CSDE1: variants seen among roughly 807,000 people sequenced by gnomAD.
The protein encoded by CSDE1 is cold shock domain containing E1, also known as cold shock domain-containing protein E1.
Under a neutral mutation model 89.3 loss-of-function variants are expected in CSDE1, and 17 were observed. That is an observed-to-expected ratio of 0.19 (90% CI 0.13 to 0.29). CSDE1 has a LOEUF of 0.29. CSDE1 is among the 10% of genes least tolerant of loss of function. The pLI, the probability that CSDE1 is intolerant of heterozygous loss-of-function variation, is 1.00. For synonymous variants in CSDE1, 322 were observed against 332.8 expected, an observed-to-expected ratio of 0.97 and a Z score of 0.35; for missense variants, 672 against 984.2, an observed-to-expected ratio of 0.68 and a Z score of 4.24.
intron 2 of CSDE1, among the ~76,000 whole-genome samples, chr1:114,748,689 T>C (rs905010649): frequency 2.0e-5 from 3 of 152,312 alleles, no homozygotes; most frequent in South Asian, 4.1e-4. Context: ...AGTCCTCACT[T>C]CTAAATCATC....
rs570160618 is a variant in CSDE1, at chr1:114,753,860, G to C, written c.-387-3653C>G. On this transcript the variant is annotated intron_variant, in intron 1 of 19. Transcript: ENST00000358528. ...GAATCCAGGAGTTTGAGGCTGCAGT[G>C]AGCTATGACTGTGCCACTGCACTCT... Among the ~76,000 whole-genome samples the C allele has an allele frequency of 9.4e-4, 143 of 152,278 alleles. 1 individual carries two copies. The highest frequency in any genetic ancestry group is 3.2e-3 in the African/African-American group (135 of 41,550).
chr1:114,727,152 A>T, intron 12 of CSDE1, 62 bp from the exon 13 acceptor site: 1 of 1,150,312 alleles, frequency 8.7e-7, no homozygotes, highest in South Asian at 1.3e-5. Flanking sequence ...CAATAAAAAC[A>T]ACTATAGTTC....
intron 6 of CSDE1, among the ~76,000 whole-genome samples, chr1:114,736,254 A>G (rs1281559139): frequency 6.6e-6 from 1 of 152,158 alleles, no homozygotes; most frequent in East Asian, 1.9e-4. Context: ...TCTGGTCAAC[A>G]GCATCCCCAC....
intron 10 of CSDE1, among the ~76,000 whole-genome samples, chr1:114,732,176 T>C (rs1236296486): frequency 6.6e-6 from 1 of 152,098 alleles, no homozygotes; most frequent in African/African-American, 2.4e-5. Context: ...TGTGATCTAG[T>C]GTCTAGATCA....
chr1:114,756,272 C>G (rs187605024), intron 1 of CSDE1, among the ~76,000 whole-genome samples: 1 of 152,186 alleles, frequency 6.6e-6, no homozygotes, highest in African/African-American at 2.4e-5. Flanking sequence ...ACATCCAGAA[C>G]AGCTGCAAAA....
rs769874747 is a variant in CSDE1, at chr1:114,718,180, C to T, written c.2386G>A (p.Val796Ile). Reference sequence around the variant, plus strand: ...CTTTGTGGATGTGGTTAGTCAATGACACCAGCTTGACGGATCTTTCTTTCT... The same window carrying T: ...CTTTGTGGATGTGGTTAGTCAATGATACCAGCTTGACGGATCTTTCTTTCT... Reference protein sequence around the residue: ...GAERKIRQAGVID With the variant: ...GAERKIRQAGIID Residue 796 changes from valine (V) to isoleucine (I), a missense_variant, in exon 20 of 20, where the codon GTC becomes ATC. Around this residue, in one of 8 missense-constraint regions of CSDE1, gnomAD observed 206 missense variants for 332.4 expected, o/e 0.62. Transcript: ENST00000358528. The T allele has an allele frequency of 1.2e-6, 2 of 1,613,826 alleles. No individual in the cohort carries two copies. The highest frequency in any genetic ancestry group is 1.7e-6 in the Non-Finnish European group (2 of 1,179,996).
intron 2 of CSDE1, among the ~76,000 whole-genome samples, chr1:114,741,305 A>T (rs1660713587): frequency 6.6e-6 from 1 of 152,224 alleles, no homozygotes; most frequent in South Asian, 2.1e-4. Context: ...TTCCATCTTT[A>T]TTAAGATCCA....
intron 10 of CSDE1, among the ~76,000 whole-genome samples, chr1:114,731,666 A>T (rs932176614): frequency 3.3e-5 from 5 of 152,168 alleles, no homozygotes; most frequent in African/African-American, 9.7e-5. Context: ...CCAGACACAA[A>T]CTCTTAAAAA....
chr1:114,728,040 CCAAT>C (rs1204649289), intron 12 of CSDE1, among the ~76,000 whole-genome samples: 3 of 152,192 alleles, frequency 2.0e-5, no homozygotes, highest in East Asian at 1.9e-4. Flanking sequence ...TCCTCTTCTA[CCAAT>C]CACATTCCTT....
At chr1:114,743,270 C>T (rs912720970) in intron 2 of CSDE1, among the ~76,000 whole-genome samples, 4 of 152,128 alleles carry the variant, frequency 2.6e-5, no homozygotes, top group African/African-American at 9.7e-5. Flanking sequence ...TGGCTCACTG[C>T]AACCTCTGCC....
At position 114,746,006 on chromosome 1, in the gene CSDE1, CTAAGT is replaced by C. The variant is rs1320030431; in HGVS notation, c.-1+3810_-1+3814del. On this transcript the variant is annotated intron_variant, in intron 2 of 19. Transcript: ENST00000358528. Reference sequence around the variant, plus strand: ...TATGCTTTGTAATTTATTACAACATCTAAGTTGTTTTTCCCCCCTAATCTGGTCTG... The same window carrying C: ...TATGCTTTGTAATTTATTACAACATCTGTTTTTCCCCCCTAATCTGGTCTG... 2.6e-5 allele frequency among the ~76,000 whole-genome samples: 4 copies of C among 152,246 alleles called. No individual in the cohort carries two copies. In the East Asian group the frequency reaches 7.7e-4, roughly 29 times the overall value.
chr1:114,725,417 C>T, intron 14 of CSDE1, 84 bp from the exon 15 acceptor site: 2 of 983,414 alleles, frequency 2.0e-6, no homozygotes, highest in Admixed American at 3.5e-5. Context: ...CAGTAACAGT[C>T]ATGGCATGGC....
rs1403323260 is a variant in CSDE1 at position 114,734,471 on chromosome 1, G to A, written c.553C>T (p.Arg185Cys). The A allele has an allele frequency of 6.2e-6, 10 of 1,612,756 alleles. No homozygotes were observed. Among genetic ancestry groups the A allele is most frequent in the Non-Finnish European group, 7.6e-6 (9 of 1,179,584 alleles). Residue 185 changes from arginine (R) to cysteine (C), a missense_variant, in exon 7 of 20, where the codon CGC (arginine) becomes TGC (cysteine). Physicochemically the swap from Arg to Cys is radical, Grantham distance 180 (BLOSUM62 -3). Coordinates refer to ENST00000358528, the MANE Select transcript of CSDE1 (RefSeq NM_001007553.3). ...NIMLLKKKQA[R>C]CQGVVCAMKE... ...ATGGCACAAACTACTCCCTGACAGCGGGCTTGTTTCTTTTTCAACAGCATA... is the reference window on the plus strand; with the variant it reads ...ATGGCACAAACTACTCCCTGACAGCAGGCTTGTTTCTTTTTCAACAGCATA...
chr1:114,755,730 A>G (rs1259651044), intron 1 of CSDE1, among the ~76,000 whole-genome samples: 2 of 151,868 alleles, frequency 1.3e-5, no homozygotes, highest in Non-Finnish European at 2.9e-5. Context: ...GGACAAAGCT[A>G]AGAAGAAGGC....
chr1:114,734,811 A>G (rs1660306343), intron 6 of CSDE1, among the ~76,000 whole-genome samples: 1 of 152,198 alleles, frequency 6.6e-6, no homozygotes, highest in African/African-American at 2.4e-5. Flanking sequence ...TGGGTGCGTG[A>G]TGTTCTACTC....
intron 16 of CSDE1, 34 bp from the exon 17 acceptor site, chr1:114,720,751 T>A (rs2101008520): frequency 6.2e-7 from 1 of 1,602,766 alleles, no homozygotes; most frequent in East Asian, 2.2e-5. Flanking sequence ...AAAGCTAGTA[T>A]TTCACAACAG....
In CSDE1 at chr1:114,723,841, G is replaced by A. The variant is rs200380890; in HGVS notation, c.1873+42C>T. The A allele has an allele frequency of 6.2e-6, 10 of 1,612,240 alleles. No individual in the cohort carries two copies. In the African/African-American group the frequency reaches 1.2e-4, roughly 19 times the overall value. On this transcript the variant is annotated intron_variant, in intron 16 of 19. Transcript: ENST00000358528. Reference sequence around the variant, plus strand: ...AAAACTTTATAGGTGCTCATCTGAAGTTATGGCAAATTTCAAACAGCCTGA... The same window carrying A: ...AAAACTTTATAGGTGCTCATCTGAAATTATGGCAAATTTCAAACAGCCTGA...
chr1:114,738,204 C>A, intron 3 of CSDE1, 132 bp from the exon 4 acceptor site: 3 of 671,124 alleles, frequency 4.5e-6, no homozygotes, highest in Non-Finnish European at 8.0e-6. Flanking sequence ...CCTGGACCAG[C>A]AGCATTAACA....
intron 2 of CSDE1, chr1:114,741,460 T>A (rs370531821): frequency 1.5e-6 from 2 of 1,370,456 alleles, no homozygotes; most frequent in East Asian, 5.2e-5. Context: ...CCAGAATGAG[T>A]GGCAATCCTA....
Sources: gnomAD v4.1 joint callset for allele counts (sites outside exome capture counted in the v4.1 genomes callset) on GRCh38, gnomAD v4.1.1 for gene constraint, gnomAD v4.1.1 regional missense constraint, MANE v1.5 for transcripts, NCBI Gene and HGNC (gene_info 2026-07-23, HGNC 2026-07-21) for gene names.